The following BANP variants were observed in gnomAD, a reference collection of about 807,000 sequenced individuals.
BANP encodes the protein protein BANP.
Under a neutral mutation model 68.1 loss-of-function variants are expected in BANP, and 11 were observed. The observed-to-expected ratio is 0.16, with a 90% CI of 0.10 to 0.27. The LOEUF (loss-of-function observed/expected upper bound fraction) is 0.27, where lower values mean the gene tolerates loss of function less well. Ranked by LOEUF, BANP falls within the 10% of genes least tolerant of loss-of-function variation. The pLI is 1.00. For synonymous variants in BANP, 329 were observed against 303.2 expected (o/e 1.09, Z -0.88); for missense variants, 504 against 722.7 (o/e 0.70, Z 3.47).
In BANP at chr16:88,002,980, C is replaced by T. The variant is rs185286035; in HGVS notation, c.363-1315C>T. ...ATGCTGTGAGCCTAGGATCCCGGGG[C>T]CACCAGTGTTCCATAGCCTCCACTT... On this transcript the variant is annotated intron_variant, in intron 4 of 13. Transcript: ENST00000682872. This position sits in a 1 kb window ranked among gnomAD's most constrained non-coding sequence, Gnocchi z 4.6. Among the ~76,000 whole-genome samples, 2 of 152,168 alleles carry T rather than the reference C, an allele frequency of 1.3e-5. No individual in the cohort carries two copies. The highest frequency in any genetic ancestry group is 4.8e-5 in the African/African-American group (2 of 41,514).
At chr16:88,026,850 T>C (rs1216468898) in intron 7 of BANP, among the ~76,000 whole-genome samples, 7 of 152,242 alleles carry the variant, frequency 4.6e-5, no homozygotes, top group African/African-American at 1.7e-4. Context: ...TTTTCGAAAC[T>C]GTGTTTGTGA....
intron 4 of BANP, among the ~76,000 whole-genome samples, chr16:87,989,204 C>T (rs749528446): frequency 7.2e-5 from 11 of 152,188 alleles, no homozygotes; most frequent in Non-Finnish European, 1.6e-4. Flanking sequence ...CAGTCGTCAT[C>T]GACTTGGGGA....
At chr16:87,994,389 A>T (rs2066660136) in intron 4 of BANP, among the ~76,000 whole-genome samples, 1 of 152,228 alleles carries the variant, frequency 6.6e-6, no homozygotes. Context: ...CTCCTTGGGG[A>T]GAGCAGCGTG....
intron 12 of BANP, among the ~76,000 whole-genome samples, chr16:88,068,102 G>C (rs1792521519): frequency 6.6e-6 from 1 of 152,256 alleles, no homozygotes; most frequent in South Asian, 2.1e-4. Flanking sequence ...GTAGTTCAGA[G>C]CTGGGTGTCC....
At chr16:87,964,004 C>A (rs762557410) in intron 1 of BANP, among the ~76,000 whole-genome samples, 1 of 152,196 alleles carries the variant, frequency 6.6e-6, no homozygotes, top group African/African-American at 2.4e-5. Context: ...GACCAGCTAC[C>A]GTTAGCCTTT....
intron 11 of BANP, among the ~76,000 whole-genome samples, chr16:88,043,376 GCTC>G (rs1446235905): frequency 6.6e-6 from 1 of 152,192 alleles, no homozygotes; most frequent in African/African-American, 2.4e-5. Context: ...TGGAGAAATG[GCTC>G]CTTCGTCAGC....
intron 11 of BANP, among the ~76,000 whole-genome samples, chr16:88,046,040 A>G (rs1188323532): frequency 1.3e-5 from 2 of 152,228 alleles, no homozygotes; most frequent in African/African-American, 2.4e-5. Context: ...GGGGCGGTGC[A>G]CATCCTCAAA....
chr16:87,991,348 TAACC>T (rs1002392374), intron 4 of BANP, among the ~76,000 whole-genome samples: 1 of 152,264 alleles, frequency 6.6e-6, no homozygotes, highest in African/African-American at 2.4e-5. Context: ...TACAATCTAA[TAACC>T]AAACTAATGA....
intron 1 of BANP, among the ~76,000 whole-genome samples, chr16:87,960,223 G>T (rs1336901807): frequency 6.6e-6 from 1 of 152,204 alleles, no homozygotes; most frequent in Non-Finnish European, 1.5e-5. Context: ...GGCCGTGGCA[G>T]GTGCCCACGC....
At chr16:87,999,238 G>T (rs1275863166) in intron 4 of BANP, among the ~76,000 whole-genome samples, 4 of 127,704 alleles carry the variant, frequency 3.1e-5, no homozygotes, top group South Asian at 2.6e-4. Flanking sequence ...ATGCACGCAC[G>T]TGCGCGGCTG....
intron 2 of BANP, 118 bp from the exon 3 acceptor site, chr16:87,980,917 TA>T (rs2063131671): frequency 1.5e-6 from 1 of 680,018 alleles, no homozygotes; most frequent in African/African-American, 1.8e-5. Flanking sequence ...AAATATGAGA[TA>T]GGTTCTGCTG....
chr16:87,994,150 C>CCAAACA (rs2066600284), intron 4 of BANP, among the ~76,000 whole-genome samples: 1 of 152,206 alleles, frequency 6.6e-6, no homozygotes, highest in Admixed American at 6.5e-5. Context: ...GCGAAGGGCC[C>CCAAACA]TGGGCGGCTT....
intron 4 of BANP, among the ~76,000 whole-genome samples, chr16:87,997,882 T>C (rs11649007): frequency 0.64 from 97,850 of 152,174 alleles, 31,999 homozygotes; most frequent in African/African-American, 0.72. Context: ...TGGTGGCTGC[T>C]GGCTCCCACC....
At chr16:87,982,277 C>A (rs1282641094) in intron 3 of BANP, among the ~76,000 whole-genome samples, 1 of 152,150 alleles carries the variant, frequency 6.6e-6, no homozygotes, top group Non-Finnish European at 1.5e-5. Flanking sequence ...GAGGGTGGGC[C>A]CCCGGTTGAA....
chr16:88,061,300 C>G (rs962277679), intron 11 of BANP, among the ~76,000 whole-genome samples: 3 of 152,374 alleles, frequency 2.0e-5, no homozygotes, highest in South Asian at 2.1e-4. Context: ...AGCTTTGAAA[C>G]TTAGCCTTTT....
At chr16:88,056,147 G>C (rs2084943519) in intron 11 of BANP, among the ~76,000 whole-genome samples, 1 of 152,344 alleles carries the variant, frequency 6.6e-6, no homozygotes, top group Middle Eastern at 3.4e-3. Flanking sequence ...TCTGACACTG[G>C]AGGGGTCCTT....
upstream of BANP, among the ~76,000 whole-genome samples, chr16:87,950,214 C>G (rs950050515): frequency 1.3e-5 from 2 of 152,052 alleles, no homozygotes; most frequent in Non-Finnish European, 2.9e-5. Context: ...GCTGCCTCGC[C>G]CTGTGTTTGG....
rs59786663 is a variant in BANP, at chr16:87,976,474, G to GTTTTTTTTTTTTT, written c.70+1292_70+1304dup. Among the ~76,000 whole-genome samples the GTTTTTTTTTTTTT allele has an allele frequency of 2.8e-4, 27 of 95,954 alleles. 2 individuals are homozygous for GTTTTTTTTTTTTT. The highest frequency in any genetic ancestry group is 3.2e-4 in the African/African-American group (7 of 22,024). 62.9% of individuals were successfully genotyped at this position (95,954 alleles called of 152,430 possible). On this transcript the variant is annotated intron_variant, in intron 2 of 13. Coordinates refer to ENST00000682872, the MANE Select transcript of BANP (RefSeq NM_001386991.1). ...TTGTCCACACTTATTGTTTTAAAAA[G>GTTTTTTTTTTTTT]TTTTTTTTTTTTTTTGGCCATAAAG...
chr16:88,052,532 G>T (rs1214671227), intron 11 of BANP, among the ~76,000 whole-genome samples: 1 of 151,882 alleles, frequency 6.6e-6, no homozygotes, highest in Non-Finnish European at 1.5e-5. Flanking sequence ...ATTGCCTGCA[G>T]ATCCCCCAGA....
Sources: allele counts gnomAD v4.1 joint callset (sites outside exome capture counted in the v4.1 genomes callset), GRCh38; gene constraint gnomAD v4.1.1; non-coding constraint Gnocchi (gnomAD v3.1); transcripts MANE v1.5; gene names NCBI Gene and HGNC (gene_info 2026-07-23, HGNC 2026-07-21).